ARHGAP32: variants seen among roughly 807,000 people sequenced by gnomAD.
ARHGAP32 encodes Rho GTPase activating protein 32, also known as rho GTPase-activating protein 32.
A neutral mutation model predicts 186.5 loss-of-function variants in ARHGAP32; 51 were observed. The ratio of observed to expected loss-of-function variants is 0.27; its 90% CI spans 0.22 to 0.35. The LOEUF (loss-of-function observed/expected upper bound fraction) is 0.35, where lower values mean the gene tolerates loss of function less well. ARHGAP32 is among the 10% of genes least tolerant of loss of function. ARHGAP32 has a pLI of 1.00. For synonymous variants in ARHGAP32, 950 were observed against 964.3 expected (o/e 0.99, Z 0.27); for missense variants, 2,186 against 2,623.5 (o/e 0.83, Z 3.64).
intron 1 of ARHGAP32, among the ~76,000 whole-genome samples, chr11:129,178,492 C>T (rs1943972424): frequency 6.6e-6 from 1 of 152,134 alleles, no homozygotes; most frequent in Non-Finnish European, 1.5e-5. Context: ...CAAGTCAATC[C>T]TAAGCCAAAA....
chr11:129,151,665 A>G (rs1302840997), intron 2 of ARHGAP32, among the ~76,000 whole-genome samples: 1 of 152,202 alleles, frequency 6.6e-6, no homozygotes, highest in African/African-American at 2.4e-5. Flanking sequence ...AAATTCTTTG[A>G]GCTGAATGAT....
chr11:129,192,966 A>G (rs529911214), upstream of ARHGAP32, among the ~76,000 whole-genome samples: 5 of 152,284 alleles, frequency 3.3e-5, no homozygotes, highest in Admixed American at 6.5e-5. Context: ...TTGCTGGGAA[A>G]TGAGTGAAAG....
At chr11:129,131,059 T>C (rs1942796161) in intron 2 of ARHGAP32, among the ~76,000 whole-genome samples, 1 of 152,166 alleles carries the variant, frequency 6.6e-6, no homozygotes, top group African/African-American at 2.4e-5. Context: ...GTTGTTATAG[T>C]ACATGAAAGA....
chr11:129,221,357 T>C (rs1944707208), intron 1 of ARHGAP32, among the ~76,000 whole-genome samples: 1 of 151,994 alleles, frequency 6.6e-6, no homozygotes, highest in Admixed American at 6.6e-5. Context: ...TAAGAACAAA[T>C]TTAAAAGAAA....
At chr11:129,178,394 T>A (rs1276315418) in intron 1 of ARHGAP32, among the ~76,000 whole-genome samples, 6 of 151,442 alleles carry the variant, frequency 4.0e-5, no homozygotes, top group Non-Finnish European at 8.8e-5. Flanking sequence ...TTCAATGCCA[T>A]CCCCATCAAG....
chr11:129,086,597 G>A (rs553408096), intron 6 of ARHGAP32, among the ~76,000 whole-genome samples: 14 of 152,068 alleles, frequency 9.2e-5, no homozygotes, highest in South Asian at 2.1e-4. Context: ...CAAGGCGGGC[G>A]GATCACAAGG....
At chr11:129,221,479 C>CTGTGTGTGTGTGTG (rs537808170) in intron 1 of ARHGAP32, among the ~76,000 whole-genome samples, 59 of 121,278 alleles carry the variant, frequency 4.9e-4, no homozygotes, top group African/African-American at 4.2e-4. Context: ...ATTGTCATTA[C>CTGTGTGTGTGTGTG]TGTGTGTGTG....
chr11:129,144,167 A>G (rs182642851), intron 2 of ARHGAP32, among the ~76,000 whole-genome samples: 134 of 152,328 alleles, frequency 8.8e-4, no homozygotes, highest in Non-Finnish European at 1.6e-3. Flanking sequence ...GCTAAAAACA[A>G]ACTACAATTT....
At chr11:129,264,005 T>C (rs980748746) in intron 1 of ARHGAP32, among the ~76,000 whole-genome samples, 3 of 152,164 alleles carry the variant, frequency 2.0e-5, no homozygotes, top group African/African-American at 4.8e-5. Flanking sequence ...CACTGACAAT[T>C]AATGGATAAG....
intron 12 of ARHGAP32, among the ~76,000 whole-genome samples, chr11:128,991,425 A>G (rs563729101): frequency 6.6e-6 from 1 of 152,316 alleles, no homozygotes; most frequent in African/African-American, 2.4e-5. Context: ...TCTTGAAGAA[A>G]AGGAGCAAAA....
intron 21 of ARHGAP32, chr11:128,973,746 CTGT>C: frequency 1.9e-6 from 1 of 527,040 alleles, no homozygotes; most frequent in East Asian, 3.1e-5. Context: ...TGCTTGTAGA[CTGT>C]TATTATGAAC....
chr11:129,036,084 A>T (rs1223521915), intron 11 of ARHGAP32, among the ~76,000 whole-genome samples: 3 of 151,908 alleles, frequency 2.0e-5, no homozygotes, highest in Non-Finnish European at 2.9e-5. Flanking sequence ...TCTCCATTCA[A>T]AACATGAGAA....
intron 11 of ARHGAP32, among the ~76,000 whole-genome samples, chr11:129,036,303 CTAGGAGGCGGAGGTT>C (rs1939333499): frequency 7.1e-6 from 1 of 140,746 alleles, no homozygotes; most frequent in East Asian, 2.2e-4. Context: ...TCGCTTGAAC[CTAGGAGGCGGAGGTT>C]GCAGTGAGCT....
intron 11 of ARHGAP32, among the ~76,000 whole-genome samples, chr11:129,000,657 C>T (rs146610447): frequency 4.3e-4 from 65 of 152,114 alleles, no homozygotes; most frequent in African/African-American, 1.4e-3. Context: ...TTTTAATGTA[C>T]GTTTAAATTA....
At chr11:129,103,054 T>A (rs1260104797) in intron 5 of ARHGAP32, among the ~76,000 whole-genome samples, 2 of 152,160 alleles carry the variant, frequency 1.3e-5, no homozygotes, top group East Asian at 3.8e-4. Flanking sequence ...AAATGAAATA[T>A]TATTCAGCCT....
Position 129,123,942 on chromosome 11 carries a change from T to C in ARHGAP32, c.318-13A>G, listed in dbSNP as rs903743338. On this transcript the variant is annotated splice_polypyrimidine_tract_variant and intron_variant, in intron 3 of 22. Transcript: ENST00000682385. This position sits in a 1 kb window ranked among gnomAD's most constrained non-coding sequence, Gnocchi z 4.6. ...TGGAGTGGTGGACCTGAACGCAGAA[T>C]GAACATTTTTATCCTTGTCTTTCCT... is the stretch of plus-strand genomic sequence containing the variant. 1.1e-5 allele frequency: 14 copies of C among 1,289,208 alleles called. No individual in the cohort carries two copies. The highest frequency in any genetic ancestry group is 1.3e-5 in the Non-Finnish European group (13 of 988,854). 79.9% of individuals were successfully genotyped at this position (1,289,208 alleles called of 1,614,324 possible). A position where few individuals can be genotyped will look rare whatever the true frequency, so the allele number is the denominator to read the frequency against.
intron 11 of ARHGAP32, among the ~76,000 whole-genome samples, chr11:129,029,531 C>T (rs1015330095): frequency 6.6e-6 from 1 of 152,054 alleles, no homozygotes; most frequent in African/African-American, 2.4e-5. Context: ...GGGCCGGGCA[C>T]GGTGGCTCAC....
intron 6 of ARHGAP32, among the ~76,000 whole-genome samples, chr11:129,091,032 T>C (rs772210958): frequency 6.6e-6 from 1 of 152,072 alleles, no homozygotes; most frequent in Non-Finnish European, 1.5e-5. Context: ...AATAAAAAGA[T>C]AAGGGAGGGG....
chr11:129,234,680 C>G (rs746020024), intron 1 of ARHGAP32, among the ~76,000 whole-genome samples: 12 of 152,142 alleles, frequency 7.9e-5, no homozygotes, highest in Non-Finnish European at 1.5e-4. Flanking sequence ...TAATCTGCCA[C>G]CTGAATGAAT....
Sources: gnomAD v4.1 joint callset for allele counts (sites outside exome capture counted in the v4.1 genomes callset) on GRCh38, gnomAD v4.1.1 for gene constraint, Gnocchi (gnomAD v3.1) non-coding constraint, MANE v1.5 for transcripts, NCBI Gene and HGNC (gene_info 2026-07-23, HGNC 2026-07-21) for gene names.